The following CDH6 variants were observed in gnomAD, a reference collection of about 807,000 sequenced individuals.
CDH6 encodes cadherin-6.
CDH6 carries 31 observed loss-of-function variants against 78.0 expected under a neutral mutation model. The ratio of observed to expected loss-of-function variants is 0.40; its 90% CI spans 0.30 to 0.54. CDH6 has a LOEUF of 0.54. Among genes scored for constraint, CDH6 ranks in the 20% least tolerant of loss-of-function variants. The pLI is 0.56. For synonymous variants in CDH6, 376 were observed against 368.8 expected (o/e 1.02, Z -0.23); for missense variants, 724 against 975.9 (o/e 0.74, Z 3.44).
At chr5:31,253,823 G>T (rs535229392) in intron 1 of CDH6, among the ~76,000 whole-genome samples, 1 of 151,482 alleles carries the variant, frequency 6.6e-6, no homozygotes, top group East Asian at 1.9e-4. Context: ...GACTGATACA[G>T]GGTTTTTTTT....
intron 2 of CDH6, among the ~76,000 whole-genome samples, chr5:31,281,347 TG>T (rs1219843287): frequency 7.5e-6 from 1 of 133,140 alleles, no homozygotes; most frequent in Non-Finnish European, 1.6e-5. Flanking sequence ...GGAGTGTGTG[TG>T]GGGGGTGTGT....
chr5:31,194,861 G>A (rs1370242960), intron 1 of CDH6, among the ~76,000 whole-genome samples: 1 of 152,140 alleles, frequency 6.6e-6, no homozygotes, highest in Non-Finnish European at 1.5e-5. Context: ...TAGATATTCT[G>A]TCATGAGTTA....
intron 1 of CDH6, among the ~76,000 whole-genome samples, chr5:31,207,482 C>G (rs907584927): frequency 1.3e-5 from 2 of 152,184 alleles, no homozygotes; most frequent in African/African-American, 4.8e-5. Context: ...AGCTTAGATT[C>G]CTAATGGTGT....
chr5:31,199,915 T>C (rs1192388851), intron 1 of CDH6, among the ~76,000 whole-genome samples: 1 of 151,916 alleles, frequency 6.6e-6, no homozygotes, highest in Non-Finnish European at 1.5e-5. Context: ...CCTCTTTACT[T>C]AGCCCTTTTT....
intron 1 of CDH6, among the ~76,000 whole-genome samples, chr5:31,240,357 G>A (rs947464743): frequency 4.6e-5 from 7 of 152,008 alleles, no homozygotes; most frequent in African/African-American, 1.7e-4. Context: ...TTCAATTTGC[G>A]GGATTAAGAG....
At chr5:31,260,679 A>G (rs1044801573) in intron 1 of CDH6, among the ~76,000 whole-genome samples, 16 of 152,222 alleles carry the variant, frequency 1.1e-4, no homozygotes, top group Non-Finnish European at 2.2e-4. Flanking sequence ...AAATATAAAC[A>G]TTTACAAAAA....
intron 5 of CDH6, 151 bp from the exon 6 acceptor site, chr5:31,301,960 G>T: frequency 2.0e-6 from 1 of 502,536 alleles, no homozygotes. Context: ...GTAGACATAA[G>T]AAGAACAGGC....
At chr5:31,220,746 G>GT (rs1561029072) in intron 1 of CDH6, among the ~76,000 whole-genome samples, 2 of 152,094 alleles carry the variant, frequency 1.3e-5, no homozygotes, top group African/African-American at 4.8e-5. Context: ...AAGCCTCTTC[G>GT]TAACAGTGAT....
chr5:31,316,327 C>A lies in CDH6; in HGVS notation c.1510C>A (p.Gln504Lys), dbSNP rs1190610829. 1.2e-6 allele frequency: 2 copies of A among 1,608,372 alleles called. No individual in the cohort carries two copies. Among genetic ancestry groups the A allele is most frequent in the Non-Finnish European group, 1.7e-6 (2 of 1,178,426 alleles). The change falls in exon 9 of 12, where the codon CAG (glutamine) becomes AAG (lysine). Residue 504 changes from glutamine to lysine, a missense_variant and splice_region_variant. By Grantham distance (53) the Gln-to-Lys change is moderately conservative. Coordinates refer to ENST00000265071, the MANE Select transcript of CDH6 (RefSeq NM_004932.4). ...TGTCTGTGAAAAAGCAAAGGCAGAT[C>A]AGGTGAGTTTCATTAAAAAGTATAT... ...TFVCEKAKAD[Q>K]LIQTLHAVDK...
At chr5:31,317,352 C>A (rs781657328) in intron 9 of CDH6, 23 bp from the exon 10 acceptor site, 26 of 1,131,120 alleles carry the variant, frequency 2.3e-5, no homozygotes, top group Non-Finnish European at 3.1e-5. Context: ...AATTTTATGG[C>A]AGCGTTTTGG....
At chr5:31,215,358 T>C (rs1740834810) in intron 1 of CDH6, among the ~76,000 whole-genome samples, 1 of 152,162 alleles carries the variant, frequency 6.6e-6, no homozygotes, top group South Asian at 2.1e-4. Flanking sequence ...AGGGGTACCA[T>C]CAATATTTAG....
At chr5:31,225,494 C>T (rs551053099) in intron 1 of CDH6, among the ~76,000 whole-genome samples, 1 of 152,124 alleles carries the variant, frequency 6.6e-6, no homozygotes, top group East Asian at 1.9e-4. Context: ...GTTCCACAGG[C>T]TGTACAGGAA....
rs190724152 is a variant in CDH6, at chr5:31,274,761, A to G, written c.228+7060A>G. On this transcript the variant is annotated intron_variant, in intron 2 of 11. Transcript: ENST00000265071. ...CTTGAACCTGGGAGGCAAAGGTTGC[A>G]GTGAGCCGAGATCTCGCTACTGCAC... Among the ~76,000 whole-genome samples the G allele has an allele frequency of 6.6e-5, 10 of 152,378 alleles. 2 individuals carry two copies. Among genetic ancestry groups the G allele is most frequent in the African/African-American group, 2.4e-4 (10 of 41,590 alleles).
chr5:31,318,071 G>A, intron 11 of CDH6, 147 bp downstream of exon 11: 1 of 959,762 alleles, frequency 1.0e-6, no homozygotes, highest in Non-Finnish European at 1.6e-6. Flanking sequence ...TGTGCTGTAC[G>A]ATGTGAACTC....
chr5:31,231,369 G>C (rs966452152), intron 1 of CDH6, among the ~76,000 whole-genome samples: 1 of 152,166 alleles, frequency 6.6e-6, no homozygotes, highest in Admixed American at 6.5e-5. Flanking sequence ...GGCGGGGTCA[G>C]AATTCCCATG....
At chr5:31,296,905 G>A (rs1737624815) in intron 3 of CDH6, among the ~76,000 whole-genome samples, 1 of 152,110 alleles carries the variant, frequency 6.6e-6, no homozygotes, top group South Asian at 2.1e-4. Context: ...AAAATCATGA[G>A]TGGCCCCTGA....
At chr5:31,320,305 T>C (rs1738445645) in intron 11 of CDH6, among the ~76,000 whole-genome samples, 1 of 152,212 alleles carries the variant, frequency 6.6e-6, no homozygotes, top group African/African-American at 2.4e-5. Flanking sequence ...AGACCTTGAA[T>C]AAATGCCTTT....
chr5:31,198,795 C>T (rs1031924837), intron 1 of CDH6, among the ~76,000 whole-genome samples: 11 of 152,022 alleles, frequency 7.2e-5, no homozygotes, highest in Admixed American at 5.2e-4. Context: ...TAAATGCCAC[C>T]TTATAAACAT....
At chr5:31,239,287 G>A (rs4867059) in intron 1 of CDH6, among the ~76,000 whole-genome samples, 149,378 of 152,296 alleles carry the variant, frequency 0.98, 73,301 homozygotes, top group East Asian at 1. Flanking sequence ...CTTGCCAAGG[G>A]CCACAGAACA....
Sources: gnomAD v4.1 joint callset for allele counts (sites outside exome capture counted in the v4.1 genomes callset) on GRCh38, gnomAD v4.1.1 for gene constraint, MANE v1.5 for transcripts, NCBI Gene and HGNC (gene_info 2026-07-23, HGNC 2026-07-21) for gene names.